The following LRCH2 variants were observed in gnomAD, a reference collection of about 807,000 sequenced individuals.
LRCH2 encodes leucine rich repeats and calponin homology domain containing 2, also known as leucine-rich repeat and calponin homology domain-containing protein 2.
Under a neutral mutation model 68.9 loss-of-function variants are expected in LRCH2, and 38 were observed. The observed-to-expected ratio is 0.55, with a 90% CI of 0.43 to 0.72. LRCH2 has a LOEUF of 0.72. Ranked by LOEUF, LRCH2 falls within the 30% of genes least tolerant of loss-of-function variation. The probability of loss-of-function intolerance (pLI) is 0.00; values close to 1 mark genes in which losing one functional copy is unlikely to be tolerated. For missense variants in LRCH2, 528 were observed against 572.9 expected (o/e 0.92, Z 0.80); for synonymous variants, 191 against 208.1 (o/e 0.92, Z 0.71).
At chrX:115,182,474 A>G (rs2072699412) in intron 3 of LRCH2, among the ~76,000 whole-genome samples, 1 of 111,888 alleles carries the variant, frequency 8.9e-6, no homozygotes, top group African/African-American at 3.3e-5. Context: ...GAATTAGCTA[A>G]AAGTAAAAAG....
chrX:115,159,112 T>C (rs1268653223), intron 11 of LRCH2, among the ~76,000 whole-genome samples: 1 of 111,447 alleles, frequency 9.0e-6, no homozygotes, highest in Admixed American at 9.6e-5. Flanking sequence ...ACATGCTCCC[T>C]TTTGTCAATT....
intron 1 of LRCH2, among the ~76,000 whole-genome samples, chrX:115,202,072 A>G (rs1171856787): frequency 1.8e-5 from 2 of 112,261 alleles, no homozygotes; most frequent in Non-Finnish European, 3.8e-5. Flanking sequence ...AAATGACCAT[A>G]CTGCCCAAAG....
At chrX:115,144,565 C>CA (rs59018534) in intron 14 of LRCH2, among the ~76,000 whole-genome samples, 33,483 of 95,886 alleles carry the variant, frequency 0.35, 4,925 homozygotes, top group African/African-American at 0.52. Context: ...TAGACTCCAC[C>CA]AAAAAAAAAA....
chrX:115,202,199 T>C (rs183426473), intron 1 of LRCH2, among the ~76,000 whole-genome samples: 17 of 111,893 alleles, frequency 1.5e-4, no homozygotes, highest in African/African-American at 5.5e-4. Context: ...AGCCAAAGCA[T>C]TGGTCTTTTG....
Position 115,165,934 on chromosome X carries a change from C to A in LRCH2, c.1105G>T (p.Val369Phe). The A allele has an allele frequency of 8.6e-7, 1 of 1,160,104 alleles. No individual in the cohort carries two copies. Among genetic ancestry groups the A allele is most frequent in the Non-Finnish European group, 1.2e-6 (1 of 866,246 alleles). ...STTEPSDDDT[V>F]SLHSQVSESN... ...TCTGAGACTTGAGAATGAAGGCTGA[C>A]TGTGTCATCATCTGATGGCTAAAAG... is the stretch of plus-strand genomic sequence containing the variant. Residue 369 changes from valine (V) to phenylalanine (F), a missense_variant, in exon 8 of 21, where the codon GTC (valine) becomes TTC (phenylalanine). Physicochemically the swap from Val to Phe is conservative, Grantham distance 50. Transcript: ENST00000317135.
rs184397661 is a variant in LRCH2 at position 115,210,414 on chromosome X, G to C, written c.350-22044C>G. The stretch of plus-strand genomic sequence containing the variant: ...CCCAAGCCTTGGCAGCTTCCATGTG[G>C]TGCTGAGCCTGCAGGTGCACAGAAG... On this transcript the variant is annotated intron_variant, in intron 1 of 20. Coordinates refer to ENST00000317135, the MANE Select transcript of LRCH2 (RefSeq NM_020871.4). 2.0e-3 allele frequency among the ~76,000 whole-genome samples: 221 copies of C among 112,309 alleles called. 1 individual carries two copies. Among genetic ancestry groups the C allele is most frequent in the African/African-American group, 6.9e-3 (213 of 30,895 alleles).
chrX:115,218,662 C>T (rs1197199854), intron 1 of LRCH2, among the ~76,000 whole-genome samples: 1 of 112,208 alleles, frequency 8.9e-6, no homozygotes, highest in Non-Finnish European at 1.9e-5. Context: ...TGTTTCATCG[C>T]TTTCTGCAAC....
intron 10 of LRCH2, among the ~76,000 whole-genome samples, chrX:115,164,780 A>T (rs1556543695): frequency 9.0e-6 from 1 of 111,020 alleles, no homozygotes; most frequent in African/African-American, 3.3e-5. Context: ...GAAAGCACAT[A>T]GCACTAATCC....
At chrX:115,192,045 G>C in intron 1 of LRCH2, 1 of 1,166,850 alleles carries the variant, frequency 8.6e-7, no homozygotes, top group Non-Finnish European at 1.1e-6. Context: ...GAGGCCGCTC[G>C]CACGACACCC....
chrX:115,166,059 C>T, intron 7 of LRCH2, 107 bp from the exon 8 acceptor site: 1 of 691,877 alleles, frequency 1.4e-6, no homozygotes, highest in Non-Finnish European at 2.2e-6. Context: ...TTTACATCTC[C>T]AGTTTTCAAA....
chrX:115,225,970 T>A lies in LRCH2; in HGVS notation c.349+7723A>T, dbSNP rs782785722. Among the ~76,000 whole-genome samples, 14 of 112,065 alleles carry A rather than the reference T, an allele frequency of 1.2e-4. No homozygotes were observed. In the South Asian group the frequency reaches 5.2e-3, roughly 41 times the overall value. On this transcript the variant is annotated intron_variant, in intron 1 of 20. Coordinates refer to ENST00000317135, the MANE Select transcript of LRCH2 (RefSeq NM_020871.4). ...TTGGAGGGCACATAGATTCATAGGATCTCCTATACATGTCAATGGAAACAG... is the reference window on the plus strand; with the variant it reads ...TTGGAGGGCACATAGATTCATAGGAACTCCTATACATGTCAATGGAAACAG...
intron 3 of LRCH2, among the ~76,000 whole-genome samples, chrX:115,183,857 C>A (rs1187836809): frequency 8.9e-6 from 1 of 112,210 alleles, no homozygotes; most frequent in Non-Finnish European, 1.9e-5. Context: ...ATTCAATGTC[C>A]TTTAATACCT....
At chrX:115,220,503 A>G (rs1407955957) in intron 1 of LRCH2, among the ~76,000 whole-genome samples, 1 of 111,835 alleles carries the variant, frequency 8.9e-6, no homozygotes, top group Non-Finnish European at 1.9e-5. Context: ...TCGTAACTGA[A>G]AGGTAGCAGA....
intron 1 of LRCH2, among the ~76,000 whole-genome samples, chrX:115,229,669 G>T (rs1556577742): frequency 3.6e-5 from 4 of 111,651 alleles, no homozygotes. Flanking sequence ...CGATTTTTCA[G>T]GAAGACATTT....
chrX:115,127,471 T>C (rs1370153561), intron 15 of LRCH2, among the ~76,000 whole-genome samples: 1 of 111,923 alleles, frequency 8.9e-6, no homozygotes, highest in Non-Finnish European at 1.9e-5. Flanking sequence ...CTACCTACTA[T>C]ATGTCAGACA....
chrX:115,183,590 G>C (rs782246564), intron 3 of LRCH2, among the ~76,000 whole-genome samples: 1 of 110,745 alleles, frequency 9.0e-6, no homozygotes, highest in African/African-American at 3.3e-5. Context: ...AACGACTTGG[G>C]AGGCTGAGCA....
intron 14 of LRCH2, among the ~76,000 whole-genome samples, chrX:115,148,588 A>G (rs2072406897): frequency 8.9e-6 from 1 of 111,859 alleles, no homozygotes; most frequent in Non-Finnish European, 1.9e-5. Flanking sequence ...CTACAAGCAA[A>G]TTTTATTCAG....
intron 10 of LRCH2, among the ~76,000 whole-genome samples, chrX:115,164,886 A>C (rs1179257176): frequency 3.6e-5 from 4 of 111,220 alleles, no homozygotes; most frequent in African/African-American, 1.3e-4. Flanking sequence ...GGTAGGTCAT[A>C]TTTCATCATT....
chrX:115,146,958 C>T lies in LRCH2; in HGVS notation c.1695+2869G>A, dbSNP rs988592127. The stretch of plus-strand genomic sequence containing the variant: ...ACACACACACACACACACACACACA[C>T]ATTCAATAAATACACTGAATAACCA... On this transcript the variant is annotated intron_variant, in intron 14 of 20. Transcript: ENST00000317135. 2.2e-3 allele frequency among the ~76,000 whole-genome samples: 173 copies of T among 79,036 alleles called. 1 individual carries two copies. In the Middle Eastern group the frequency reaches 0.023, roughly 11 times the overall value. 68.6% of individuals were successfully genotyped at this position (79,036 alleles called of 115,157 possible).
Sources: gnomAD v4.1 joint callset for allele counts (sites outside exome capture counted in the v4.1 genomes callset) on GRCh38, gnomAD v4.1.1 for gene constraint, MANE v1.5 for transcripts, NCBI Gene and HGNC (gene_info 2026-07-23, HGNC 2026-07-21) for gene names.